Variants in CCDC51 observed in about 807,000 individuals in gnomAD.
CCDC51 encodes mitochondrial potassium channel.
Under a neutral mutation model 24.8 loss-of-function variants are expected in CCDC51, and 25 were observed. The observed-to-expected ratio is 1.01, with a 90% confidence interval of 0.73 to 1.41. The LOEUF (loss-of-function observed/expected upper bound fraction) is 1.41. Ranked by LOEUF, CCDC51 falls within the 40% of genes most tolerant of loss-of-function variation. The pLI, the probability that CCDC51 is intolerant of heterozygous loss-of-function variation, is 0.00. For missense variants in CCDC51, 466 were observed against 519.1 expected, an observed-to-expected ratio of 0.90 and a Z score of 0.99; for synonymous variants, 190 against 204.3, an observed-to-expected ratio of 0.93 and a Z score of 0.60.
At chr3:48,440,248 AG>A (rs1560095411), upstream of CCDC51, 1 of 1,569,688 alleles carries the variant, frequency 6.4e-7, no homozygotes, top group Non-Finnish European at 8.6e-7. Flanking sequence ...AGGGTGGGGC[AG>A]ACGCTCCGTT....
rs907761934 is a variant in CCDC51 at position 48,435,996 on chromosome 3, T to C, written c.-8-860A>G. Reference sequence around the variant, plus strand: ...CTTTGATGTTTGGGCCTGCTTCTCATTACCTGGACAGCAGGGAGTCTCCTG... The same window carrying C: ...CTTTGATGTTTGGGCCTGCTTCTCACTACCTGGACAGCAGGGAGTCTCCTG... On this transcript the variant is annotated intron_variant, in intron 1 of 3. Coordinates refer to ENST00000395694, the MANE Select transcript of CCDC51 (RefSeq NM_001256964.2). The surrounding 1 kb of genome is among the most constrained non-coding windows in gnomAD (Gnocchi z 4.2). Among the ~76,000 whole-genome samples the C allele has an allele frequency of 6.6e-6, 1 of 152,146 alleles. No individual in the cohort carries two copies. The highest frequency in any genetic ancestry group is 1.5e-5 in the Non-Finnish European group (1 of 68,026).
At position 48,435,404 on chromosome 3, in the gene CCDC51, C is replaced by T. The variant is rs1456690446; in HGVS notation, c.-8-268G>A. On this transcript the variant is annotated intron_variant, in intron 1 of 3. Coordinates refer to ENST00000395694, the MANE Select transcript of CCDC51 (RefSeq NM_001256964.2). The surrounding 1 kb of genome is among the most constrained non-coding windows in gnomAD (Gnocchi z 4.2). ...GTGCCCGCCACCATGCCACACAAAG[C>T]GGACCCTTCCCTGCTACCCACTTCC... Among the ~76,000 whole-genome samples, 6 of 152,140 alleles carry T rather than the reference C, an allele frequency of 3.9e-5. No individual in the cohort carries two copies. Among genetic ancestry groups the T allele is most frequent in the African/African-American group, 9.7e-5 (4 of 41,432 alleles).
upstream of CCDC51, chr3:48,444,268 T>G (rs1173312556): frequency 6.3e-6 from 1 of 159,062 alleles, no homozygotes; most frequent in Non-Finnish European, 1.4e-5. Context: ...AGTGGAAGAA[T>G]TTGCACTTTT....
At chr3:48,436,341 T>A (rs72925227) in intron 1 of CCDC51, among the ~76,000 whole-genome samples, 2,130 of 152,284 alleles carry the variant, frequency 0.014, 53 homozygotes, top group African/African-American at 0.048. Flanking sequence ...CCTAGCCTCC[T>A]CTCCATCATG....
chr3:48,433,813 T>G lies in CCDC51; in HGVS notation c.371A>C (p.Glu124Ala). Residue 124 changes from glutamate (E) to alanine (A), a missense_variant, in exon 3 of 4, where the codon GAA becomes GCA. Transcript: ENST00000395694. The surrounding 1 kb of genome is among the most constrained non-coding windows in gnomAD (Gnocchi z 4.4). ...CTCCTTCAGCTTGGCCTGGTGAACTTCCAAGTCCTCCCGAGCCTCTCGGAC... is the reference window on the plus strand; with the variant it reads ...CTCCTTCAGCTTGGCCTGGTGAACTGCCAAGTCCTCCCGAGCCTCTCGGAC... The part of the protein sequence containing the change: ...GLVREAREDL[E>A]VHQAKLKEVR... 6.2e-7 allele frequency: 1 copy of G among 1,613,900 alleles called. No homozygotes were observed. Among genetic ancestry groups the G allele is most frequent in the Non-Finnish European group, 8.5e-7 (1 of 1,179,968 alleles).
chr3:48,444,634 T>C (rs2039634197), upstream of CCDC51, among the ~76,000 whole-genome samples: 1 of 152,210 alleles, frequency 6.6e-6, no homozygotes. Context: ...TGCCGTATAT[T>C]TTGATGAGAC....
chr3:48,444,022 C>T, upstream of CCDC51: 1 of 648,682 alleles, frequency 1.5e-6, no homozygotes, highest in Non-Finnish European at 2.3e-6. Context: ...TAAGAATAAA[C>T]TTTTGTAAAA....
At chr3:48,440,271 G>A (rs755896347), upstream of CCDC51, 6 of 1,593,804 alleles carry the variant, frequency 3.8e-6, no homozygotes, top group Admixed American at 1.7e-5. Flanking sequence ...CCGGTGGCAG[G>A]GTCTGGGGAA....
At position 48,435,823 on chromosome 3, in the gene CCDC51, G is replaced by C. The variant is rs2039335240; in HGVS notation, c.-8-687C>G. Among the ~76,000 whole-genome samples, 1 of 152,050 alleles carries C rather than the reference G, an allele frequency of 6.6e-6. No homozygotes were observed. Among genetic ancestry groups the C allele is most frequent in the South Asian group, 2.1e-4 (1 of 4,830 alleles). ...TTTTGCCACAGAGGACTTTTCTTAGGTTCACGCCATACAACTCCGCCCCCA... is the reference window on the plus strand; with the variant it reads ...TTTTGCCACAGAGGACTTTTCTTAGCTTCACGCCATACAACTCCGCCCCCA... On this transcript the variant is annotated intron_variant, in intron 1 of 3. Coordinates refer to ENST00000395694, the MANE Select transcript of CCDC51 (RefSeq NM_001256964.2). The surrounding 1 kb of genome is among the most constrained non-coding windows in gnomAD (Gnocchi z 4.2).
intron 1 of CCDC51, 38 bp downstream of exon 1, chr3:48,439,950 T>C (rs114711883): frequency 7.7e-6 from 3 of 389,472 alleles, no homozygotes; most frequent in Non-Finnish European, 1.4e-5. Flanking sequence ...AGCGACGAGC[T>C]TGAAGCTCTT....
the CCDC51 span, among the ~76,000 whole-genome samples, chr3:48,445,991 T>C: frequency 2.6e-5 from 4 of 152,324 alleles, no homozygotes; most frequent in East Asian, 1.9e-4. Context: ...CCTTTCAATG[T>C]AGAATTCTCG....
upstream of CCDC51, chr3:48,440,403 G>A (rs2039528652): frequency 1.1e-5 from 17 of 1,611,680 alleles, no homozygotes; most frequent in African/African-American, 2.7e-5. Flanking sequence ...TCGCCCACAG[G>A]TGGCAAGAAG....
At position 48,433,460 on chromosome 3, in the gene CCDC51, T is replaced by C. The variant is rs2107124423; in HGVS notation, c.477+247A>G. Among the ~76,000 whole-genome samples, 1 of 152,314 alleles carries C rather than the reference T, an allele frequency of 6.6e-6. No homozygotes were observed. The highest frequency in any genetic ancestry group is 2.1e-4 in the South Asian group (1 of 4,826). On this transcript the variant is annotated intron_variant, in intron 3 of 3. Transcript: ENST00000395694. The surrounding 1 kb of genome is among the most constrained non-coding windows in gnomAD (Gnocchi z 4.4). ...ACTCCCTAGGCCAGCCCCTCCATAG[T>C]TCTCCTTCCTCAGCATTCTGAGTCC...
Position 48,435,103 on chromosome 3 carries a change from G to A in CCDC51, c.26C>T (p.Ala9Val), listed in dbSNP as rs1312577529. The change falls in exon 2 of 4, where the codon GCC (alanine) becomes GTC (valine). Residue 9 changes from alanine (A) to valine (V), a missense_variant. Physicochemically the swap from Ala to Val is moderately conservative, Grantham distance 64. Transcript: ENST00000395694. This position sits in a 1 kb window ranked among gnomAD's most constrained non-coding sequence, Gnocchi z 4.2. MMGRSPGF[A>V]MQHIVGVPHV... ...GGGCACACCCACGATGTGCTGCATGGCAAACCCAGGGCTGCGCCCCATCAT... is the reference window on the plus strand; with the variant it reads ...GGGCACACCCACGATGTGCTGCATGACAAACCCAGGGCTGCGCCCCATCAT... 1 of 1,598,414 alleles carries A rather than the reference G, an allele frequency of 6.3e-7. No homozygotes were observed. The highest frequency in any genetic ancestry group is 8.5e-7 in the Non-Finnish European group (1 of 1,171,968).
chr3:48,435,210 G>A lies in CCDC51; in HGVS notation c.-8-74C>T. The A allele has an allele frequency of 8.0e-7, 1 of 1,254,026 alleles. No individual in the cohort carries two copies. The allele number at this position is 1,254,026 out of a possible 1,614,324, so 77.7% of individuals were successfully genotyped here. A position where few individuals can be genotyped will look rare whatever the true frequency, so the allele number is the denominator to read the frequency against. ...ACATAAGTCAGTTTTGAGGCCTAGG[G>A]ACAGTTCTGAACAGACTAATCCCCA... On this transcript the variant is annotated intron_variant, in intron 1 of 3. Coordinates refer to ENST00000395694, the MANE Select transcript of CCDC51 (RefSeq NM_001256964.2). The surrounding 1 kb of genome is among the most constrained non-coding windows in gnomAD (Gnocchi z 4.2).
Position 48,433,259 on chromosome 3 carries a change from G to A in CCDC51, c.478-93C>T. ...CAGATGGCTCACTACCTTGTGCCTG[G>A]CAGAGTACATGTTCCATAGACCCAT... On this transcript the variant is annotated intron_variant, in intron 3 of 3. Coordinates refer to ENST00000395694, the MANE Select transcript of CCDC51 (RefSeq NM_001256964.2). The surrounding 1 kb of genome is among the most constrained non-coding windows in gnomAD (Gnocchi z 4.4). 8.1e-7 allele frequency: 1 copy of A among 1,234,904 alleles called. No homozygotes were observed. Among genetic ancestry groups the A allele is most frequent in the Non-Finnish European group, 1.1e-6 (1 of 877,440 alleles). 76.5% of individuals were successfully genotyped at this position (1,234,904 alleles called of 1,614,324 possible).
chr3:48,440,303 G>A (rs745885023), upstream of CCDC51: 1 of 1,607,266 alleles, frequency 6.2e-7, no homozygotes, highest in South Asian at 1.1e-5. Context: ...CGCCATGTCC[G>A]GCCGCGAAGG....
Position 48,432,698 on chromosome 3 carries a change from A to G in CCDC51, c.946T>C (p.Cys316Arg), listed in dbSNP as rs2039213823. 3.1e-6 allele frequency: 5 copies of G among 1,614,100 alleles called. No individual in the cohort carries two copies. Among genetic ancestry groups the G allele is most frequent in the African/African-American group, 1.3e-5 (1 of 74,940 alleles). Residue 316 changes from cysteine to arginine, a missense_variant, in exon 4 of 4, where the codon TGT becomes CGT. Physicochemically the swap from Cys to Arg is radical, Grantham distance 180 (BLOSUM62 -3). Transcript: ENST00000395694. ...AGCTGCTCTCGTAAGCCTTCTAGACATGAATGGACTTGCCTGGAATGACTA... is the reference window on the plus strand; with the variant it reads ...AGCTGCTCTCGTAAGCCTTCTAGACGTGAATGGACTTGCCTGGAATGACTA... ...QLSHSRQVHS[C>R]LEGLREQLDG...
chr3:48,440,027 G>A lies in CCDC51; in HGVS notation c.-48C>T, dbSNP rs1388063410. 1 of 537,084 alleles carries A rather than the reference G, an allele frequency of 1.9e-6. No individual in the cohort carries two copies. The highest frequency in any genetic ancestry group is 3.2e-6 in the Non-Finnish European group (1 of 311,000). 33.3% of individuals were successfully genotyped at this position (537,084 alleles called of 1,614,324 possible). On this transcript the variant is annotated 5_prime_UTR_variant, in exon 1 of 4. Coordinates refer to ENST00000395694, the MANE Select transcript of CCDC51 (RefSeq NM_001256964.2). ...CCGCGCACGGCCACAGGCCTGGTAGGCCGTCCGGTTAAGTACCCCTCCTAC... is the reference window on the plus strand; with the variant it reads ...CCGCGCACGGCCACAGGCCTGGTAGACCGTCCGGTTAAGTACCCCTCCTAC...
Sources: gnomAD v4.1 joint callset for allele counts (sites outside exome capture counted in the v4.1 genomes callset) on GRCh38, gnomAD v4.1.1 for gene constraint, Gnocchi (gnomAD v3.1) non-coding constraint, MANE v1.5 for transcripts, NCBI Gene and HGNC (gene_info 2026-07-23, HGNC 2026-07-21) for gene names.